The following ZNF831 variants were observed in gnomAD, a reference collection of about 807,000 sequenced individuals.
ZNF831 encodes the protein chromosome 20 open reading frame 174.
In ZNF831, 59 loss-of-function variants were observed where a neutral mutation model predicts 95.8. The ratio of observed to expected loss-of-function variants is 0.62; its 90% CI spans 0.50 to 0.77. The LOEUF (loss-of-function observed/expected upper bound fraction) is 0.77. Ranked by LOEUF, ZNF831 falls within the 30% of genes least tolerant of loss-of-function variation. ZNF831 has a pLI of 0.00. For synonymous variants in ZNF831, 961 were observed against 925.5 expected (o/e 1.04, Z -0.70); for missense variants, 2,205 against 2,164.0 (o/e 1.02, Z -0.38).
At chr20:59,140,755 G>A (rs1238693779) in intron 1 of ZNF831, among the ~76,000 whole-genome samples, 1 of 152,130 alleles carries the variant, frequency 6.6e-6, no homozygotes, top group Non-Finnish European at 1.5e-5. Flanking sequence ...TAGCCATTTT[G>A]ATAAGTGTGC....
chr20:59,228,094 A>G (rs1986527070), intron 4 of ZNF831, among the ~76,000 whole-genome samples: 1 of 152,254 alleles, frequency 6.6e-6, no homozygotes, highest in Non-Finnish European at 1.5e-5. Flanking sequence ...AAGGGACCAT[A>G]GGCATATTTG....
intron 4 of ZNF831, among the ~76,000 whole-genome samples, chr20:59,213,103 A>G (rs1030336362): frequency 2.0e-5 from 3 of 152,174 alleles, no homozygotes; most frequent in Admixed American, 2.0e-4. Flanking sequence ...ATAAAGCTCT[A>G]TAATATTTTT....
At chr20:59,135,964 AC>A (rs1979497845) in intron 1 of ZNF831, among the ~76,000 whole-genome samples, 1 of 152,116 alleles carries the variant, frequency 6.6e-6, no homozygotes. Flanking sequence ...ACGGAGCAAG[AC>A]CCTGTCTCAA....
intron 2 of ZNF831, among the ~76,000 whole-genome samples, chr20:59,157,067 G>A (rs997032325): frequency 1.3e-5 from 2 of 152,030 alleles, no homozygotes; most frequent in African/African-American, 4.8e-5. Context: ...TCATCTCTTT[G>A]TGTTATAAAC....
chr20:59,253,012 C>T lies in ZNF831; in HGVS notation c.4062C>T (p.Thr1354=), dbSNP rs757099615. 1 of 1,613,920 alleles carries T rather than the reference C, an allele frequency of 6.2e-7. No homozygotes were observed. The highest frequency in any genetic ancestry group is 1.3e-5 in the African/African-American group (1 of 74,922). ...LNLQEEPSCA[T]SESPPCCGKE... ...TGCAAGAGGAGCCATCTTGTGCCAC[C>T]TCAGAATCACCTCCTTGTTGTGGGA... is the stretch of plus-strand genomic sequence containing the variant. The change falls in exon 5 of 6, where the codon ACC becomes ACT. Residue 1354 remains threonine (T), a synonymous_variant. Coordinates refer to ENST00000371030, the MANE Select transcript of ZNF831 (RefSeq NM_178457.3).
chr20:59,207,995 C>T (rs553769649), intron 4 of ZNF831, among the ~76,000 whole-genome samples: 42 of 152,358 alleles, frequency 2.8e-4, no homozygotes, highest in African/African-American at 1.0e-3. Context: ...TGCTCCCCAA[C>T]CCCCAGAGCC....
chr20:59,194,457 C>A lies in ZNF831; in HGVS notation c.3438C>A (p.Gly1146=). 6.2e-7 allele frequency: 1 copy of A among 1,612,976 alleles called. No individual in the cohort carries two copies. The highest frequency in any genetic ancestry group is 8.5e-7 in the Non-Finnish European group (1 of 1,179,716). The change falls in exon 2 of 6, where the codon GGC becomes GGA. Residue 1146 remains glycine (G), a synonymous_variant. Transcript: ENST00000371030. The part of the protein sequence containing the change: ...ALTRPQGVPP[G]WPELALSSHS... ...CTCGGCCTCAGGGTGTGCCCCCAGG[C>A]TGGCCAGAGCTGGCCTTGTCTTCCC...
chr20:59,128,728 A>G (rs1428316782), intron 1 of ZNF831, among the ~76,000 whole-genome samples: 1 of 152,174 alleles, frequency 6.6e-6, no homozygotes, highest in East Asian at 1.9e-4. Flanking sequence ...GTGGTAAGAA[A>G]TGGATGTACT....
At chr20:59,190,538 C>T (rs1983414965) in intron 1 of ZNF831, among the ~76,000 whole-genome samples, 1 of 152,198 alleles carries the variant, frequency 6.6e-6, no homozygotes. Flanking sequence ...GAAACAGTCC[C>T]AGAGAAGAAA....
intron 1 of ZNF831, among the ~76,000 whole-genome samples, chr20:59,180,130 C>A (rs2146516020): frequency 6.6e-6 from 1 of 152,156 alleles, no homozygotes; most frequent in East Asian, 1.9e-4. Flanking sequence ...CACTCTCACC[C>A]AGGCTGGAGT....
intron 1 of ZNF831, among the ~76,000 whole-genome samples, 194 bp from the exon 2 acceptor site, chr20:59,190,790 G>A (rs1311887017): frequency 2.0e-5 from 3 of 152,250 alleles, no homozygotes; most frequent in African/African-American, 4.8e-5. Context: ...TGCATGACAA[G>A]TTACTTCGCT....
chr20:59,176,896 G>A (rs780414514), intron 1 of ZNF831, among the ~76,000 whole-genome samples: 3 of 152,200 alleles, frequency 2.0e-5, no homozygotes, highest in Non-Finnish European at 2.9e-5. Flanking sequence ...TCTGTTGATA[G>A]CCTGCTAGGC....
chr20:59,211,190 T>C (rs577725967), intron 4 of ZNF831, among the ~76,000 whole-genome samples: 2 of 151,954 alleles, frequency 1.3e-5, no homozygotes, highest in Non-Finnish European at 2.9e-5. Context: ...CTTACATAGG[T>C]AATAAGGCCC....
chr20:59,254,798 A>T lies in ZNF831; in HGVS notation c.*55A>T. ...AAAAGACTGTTGACGCTTCACAAGT[A>T]AATGTTGTCAGGCTGGCGGAAGAAC... On this transcript the variant is annotated 3_prime_UTR_variant, in exon 6 of 6. Transcript: ENST00000371030. The surrounding 1 kb of genome is among the most constrained non-coding windows in gnomAD (Gnocchi z 4.5). 1 of 1,543,516 alleles carries T rather than the reference A, an allele frequency of 6.5e-7. No individual in the cohort carries two copies.
At chr20:59,237,868 G>A (rs997495557) in intron 4 of ZNF831, among the ~76,000 whole-genome samples, 8 of 152,192 alleles carry the variant, frequency 5.3e-5, no homozygotes, top group South Asian at 2.1e-4. Flanking sequence ...AGACTGATTC[G>A]TCTAAGCTCG....
chr20:59,165,340 T>C (rs1981174035), intron 1 of ZNF831, among the ~76,000 whole-genome samples: 1 of 152,090 alleles, frequency 6.6e-6, no homozygotes, highest in Non-Finnish European at 1.5e-5. Context: ...GCTGTTTGGT[T>C]AGGGGAGTGG....
At chr20:59,174,813 C>CT (rs754815001) in intron 1 of ZNF831, among the ~76,000 whole-genome samples, 3 of 152,314 alleles carry the variant, frequency 2.0e-5, no homozygotes, top group Non-Finnish European at 2.9e-5. Context: ...TTTTTACCCA[C>CT]TTTTTTACTG....
chr20:59,221,575 C>T (rs1187313444), intron 4 of ZNF831, among the ~76,000 whole-genome samples: 1 of 152,204 alleles, frequency 6.6e-6, no homozygotes, highest in East Asian at 1.9e-4. Flanking sequence ...TTTTCCTCAT[C>T]TAATTTTCAG....
At chr20:59,173,456 G>A (rs1174331785) in intron 1 of ZNF831, among the ~76,000 whole-genome samples, 2 of 152,154 alleles carry the variant, frequency 1.3e-5, no homozygotes, top group African/African-American at 2.4e-5. Flanking sequence ...TTTTCTCTCT[G>A]TAAGTGCTCA....
Sources: gnomAD v4.1 joint callset for allele counts (sites outside exome capture counted in the v4.1 genomes callset) on GRCh38, gnomAD v4.1.1 for gene constraint, Gnocchi (gnomAD v3.1) non-coding constraint, MANE v1.5 for transcripts, NCBI Gene and HGNC (gene_info 2026-07-23, HGNC 2026-07-21) for gene names.